Variants in SRGAP3 observed in about 807,000 individuals in gnomAD.
SRGAP3 encodes the protein SLIT-ROBO Rho GTPase-activating protein 3.
Under a neutral mutation model 121.1 loss-of-function variants are expected in SRGAP3, and 39 were observed. That is an observed-to-expected ratio of 0.32 (90% CI 0.25 to 0.42). SRGAP3 has a LOEUF of 0.42. Ranked by LOEUF, SRGAP3 falls within the 10% of genes least tolerant of loss-of-function variation. The pLI is 1.00. For synonymous variants in SRGAP3, 601 were observed against 570.0 expected, an observed-to-expected ratio of 1.05 and a Z score of -0.77; for missense variants, 1,213 against 1,470.6, an observed-to-expected ratio of 0.82 and a Z score of 2.86.
intron 3 of SRGAP3, among the ~76,000 whole-genome samples, chr3:9,260,858 C>T (rs1954239493): frequency 6.6e-6 from 1 of 152,220 alleles, no homozygotes; most frequent in African/African-American, 2.4e-5. Flanking sequence ...TGCTAAGGGA[C>T]AGACTGCATC....
chr3:9,125,257 G>A (rs183362311), intron 1 of SRGAP3, among the ~76,000 whole-genome samples: 1 of 152,148 alleles, frequency 6.6e-6, no homozygotes, highest in Non-Finnish European at 1.5e-5. Context: ...AGATGATCTT[G>A]CTTAAAATGC....
chr3:9,066,649 G>A (rs1367037704), intron 4 of SRGAP3, among the ~76,000 whole-genome samples: 2 of 152,098 alleles, frequency 1.3e-5, no homozygotes. Flanking sequence ...ACAGGCACCC[G>A]CCACAATGCC....
chr3:9,361,771 G>A (rs2030857415), intron 1 of SRGAP3, among the ~76,000 whole-genome samples: 1 of 152,100 alleles, frequency 6.6e-6, no homozygotes, highest in South Asian at 2.1e-4. Context: ...TAGAACAACC[G>A]ACTAGCATTC....
chr3:9,163,289 C>T (rs1950661428), intron 1 of SRGAP3, among the ~76,000 whole-genome samples: 1 of 152,242 alleles, frequency 6.6e-6, no homozygotes, highest in Admixed American at 6.5e-5. Context: ...CAACCTGCGG[C>T]TCCAAGCTAA....
Position 8,985,731 on chromosome 3 carries a change from T to C in SRGAP3, c.3088A>G (p.Ser1030Gly). Residue 1030 changes from serine to glycine, a missense_variant, in exon 22 of 22, where the codon AGC (serine) becomes GGC (glycine). This residue lies in a region of SRGAP3 where 420 missense variants were observed against 437.7 expected (regional missense o/e 0.96). Coordinates refer to ENST00000383836, the MANE Select transcript of SRGAP3 (RefSeq NM_014850.4). The surrounding 1 kb of genome is among the most constrained non-coding windows in gnomAD (Gnocchi z 5.1). ...GTGGTCATCATCTCGGTGGAGGAGC[T>C]GCTGCTGCGGCGCATGGCGGCATCG... ...DPDAAMRRSS[S>G]SSTEMMTTFK... 1 of 1,597,988 alleles carries C rather than the reference T, an allele frequency of 6.3e-7. No homozygotes were observed. The highest frequency in any genetic ancestry group is 8.5e-7 in the Non-Finnish European group (1 of 1,179,458).
chr3:9,032,961 A>G (rs909162904), intron 11 of SRGAP3, among the ~76,000 whole-genome samples: 1 of 152,144 alleles, frequency 6.6e-6, no homozygotes, highest in South Asian at 2.1e-4. Flanking sequence ...GCCAAGCAGG[A>G]GCAACTCTTA....
intron 19 of SRGAP3, among the ~76,000 whole-genome samples, chr3:8,993,474 C>T (rs1180648652): frequency 6.6e-6 from 1 of 152,210 alleles, no homozygotes; most frequent in Non-Finnish European, 1.5e-5. Context: ...AAGAAGCTGC[C>T]TCTGCCCCTC....
At chr3:9,080,663 C>T (rs1031528862) in intron 3 of SRGAP3, among the ~76,000 whole-genome samples, 9 of 152,142 alleles carry the variant, frequency 5.9e-5, no homozygotes, top group Non-Finnish European at 1.0e-4. Flanking sequence ...AGGAGGTGAG[C>T]GGTGGGTGAG....
intron 6 of SRGAP3, 190 bp downstream of exon 6, chr3:9,060,041 T>C (rs1292035644): frequency 2.6e-5 from 23 of 893,274 alleles, no homozygotes; most frequent in Admixed American, 6.4e-5. Flanking sequence ...CTCGTGAAAA[T>C]AGACACCACG....
rs535556980 is a variant in SRGAP3, at chr3:9,362,246, A to T, written n.214+594T>A. ...AGTGGCACAATCTTGGCTCTCTGCA[A>T]CCTCTGCCTCCTGGGTAAGCAACTC... On this transcript the variant is annotated intron_variant and non_coding_transcript_variant, in intron 1 of 3. Coordinates refer to the SRGAP3 transcript ENST00000490889. 3.1e-4 allele frequency among the ~76,000 whole-genome samples: 11 copies of T among 35,484 alleles called. No homozygotes were observed. The East Asian group carries it at 0.012, about 38-fold the overall frequency. 23.3% of individuals were successfully genotyped at this position (35,484 alleles called of 152,430 possible). A position where few individuals can be genotyped will look rare whatever the true frequency, so the allele number is the denominator to read the frequency against.
intron 17 of SRGAP3, among the ~76,000 whole-genome samples, chr3:9,011,620 C>T (rs759345810): frequency 3.3e-5 from 5 of 152,232 alleles, no homozygotes; most frequent in Admixed American, 6.5e-5. Flanking sequence ...TTCCCTAGAT[C>T]GGCTCAGGGA....
At position 9,064,630 on chromosome 3, in the gene SRGAP3, C is replaced by T. The variant is rs200296255; in HGVS notation, c.487-49G>A. The T allele has an allele frequency of 6.0e-4, 964 of 1,608,904 alleles. 2 individuals are homozygous for T. Among genetic ancestry groups the T allele is most frequent in the Non-Finnish European group, 7.2e-4 (851 of 1,177,296 alleles). ...ATCAGCAGCCAGCTATGGCCCAGCA[C>T]GGCCCTCCCTGTTACTCCTGGCTCC... On this transcript the variant is annotated intron_variant, in intron 4 of 21. Coordinates refer to ENST00000383836, the MANE Select transcript of SRGAP3 (RefSeq NM_014850.4).
intron 3 of SRGAP3, among the ~76,000 whole-genome samples, chr3:9,307,770 C>T (rs1955181674): frequency 6.6e-6 from 1 of 152,202 alleles, no homozygotes; most frequent in African/African-American, 2.4e-5. Flanking sequence ...TCAAAAATTA[C>T]TTAATCAGAA....
At chr3:9,257,663 G>A (rs1458842049) in intron 3 of SRGAP3, among the ~76,000 whole-genome samples, 6 of 138,438 alleles carry the variant, frequency 4.3e-5, no homozygotes, top group East Asian at 4.4e-4. Flanking sequence ...TGATTTTTAC[G>A]AATTCATTTA....
Position 9,249,173 on chromosome 3 carries a change from T to C in SRGAP3, c.-222A>G. 1.7e-6 allele frequency: 1 copy of C among 596,806 alleles called. No individual in the cohort carries two copies. Among genetic ancestry groups the C allele is most frequent in the Non-Finnish European group, 3.0e-6 (1 of 335,432 alleles). The allele number at this position is 596,806 out of a possible 1,614,324, so 37.0% of individuals were successfully genotyped here. ...AAATGGCTCTAGTAGCTTGCCCTGG[T>C]CAGCTCCTCTTGCAAAAGAAGAATC... On this transcript the variant is annotated 5_prime_UTR_variant, in exon 1 of 22. Coordinates refer to ENST00000383836, the MANE Select transcript of SRGAP3 (RefSeq NM_014850.4).
intron 2 of SRGAP3, among the ~76,000 whole-genome samples, chr3:9,108,873 T>G (rs930594778): frequency 6.6e-6 from 1 of 152,140 alleles, no homozygotes; most frequent in Non-Finnish European, 1.5e-5. Context: ...AAGGATGGAC[T>G]TGAGAGATTT....
chr3:9,170,591 A>T (rs1293750100), intron 1 of SRGAP3, among the ~76,000 whole-genome samples: 1 of 152,184 alleles, frequency 6.6e-6, no homozygotes, highest in African/African-American at 2.4e-5. Flanking sequence ...CAGTCCCTGA[A>T]GACTCATGGA....
chr3:9,348,532 G>C, intron 1 of SRGAP3: 2 of 759,776 alleles, frequency 2.6e-6, no homozygotes, highest in Non-Finnish European at 4.8e-6. Flanking sequence ...ACACCGACCT[G>C]AGCCCAGCGG....
chr3:9,258,332 G>C (rs1282879245), intron 3 of SRGAP3, among the ~76,000 whole-genome samples: 1 of 152,162 alleles, frequency 6.6e-6, no homozygotes, highest in Admixed American at 6.5e-5. Flanking sequence ...TGAGCCAAGG[G>C]GACAATTGGT....
Sources: allele counts gnomAD v4.1 joint callset (sites outside exome capture counted in the v4.1 genomes callset), GRCh38; gene constraint gnomAD v4.1.1; regional missense constraint gnomAD v4.1.1; non-coding constraint Gnocchi (gnomAD v3.1); transcripts MANE v1.5; gene names NCBI Gene and HGNC (gene_info 2026-07-23, HGNC 2026-07-21).